The following MED23 variants were observed in gnomAD, a reference collection of about 807,000 sequenced individuals.
MED23 encodes mediator complex subunit 23.
MED23 carries 105 observed loss-of-function variants against 163.9 expected under a neutral mutation model. The observed-to-expected ratio is 0.64, with a 90% CI of 0.55 to 0.75. The LOEUF is 0.75. Ranked by LOEUF, MED23 falls within the 30% of genes least tolerant of loss-of-function variation. MED23 has a pLI of 0.00. For synonymous variants in MED23, 561 were observed against 565.6 expected, an observed-to-expected ratio of 0.99 and a Z score of 0.12; for missense variants, 1,054 against 1,649.0, an observed-to-expected ratio of 0.64 and a Z score of 6.25.
intron 9 of MED23, among the ~76,000 whole-genome samples, chr6:131,617,031 C>G (rs1271539103): frequency 6.6e-6 from 1 of 150,970 alleles, no homozygotes; most frequent in Non-Finnish European, 1.5e-5. Context: ...AGTGATAAGC[C>G]TAGTTATATT....
rs1200110224 is a variant in MED23 at position 131,619,708 on chromosome 6, G to A, written c.667+119C>T. 3 of 756,842 alleles carry A rather than the reference G, an allele frequency of 4.0e-6. No individual in the cohort carries two copies. In the East Asian group the frequency reaches 7.7e-5, roughly 19 times the overall value. The allele number at this position is 756,842 out of a possible 1,614,324, so 46.9% of individuals were successfully genotyped here. ...AAAGGCATTATATTAAGCTCTTAGA[G>A]AGTCACCAAAATGACAAGCCACCAA... On this transcript the variant is annotated intron_variant, in intron 8 of 28. Coordinates refer to ENST00000368068, the MANE Select transcript of MED23 (RefSeq NM_004830.4).
intron 23 of MED23, among the ~76,000 whole-genome samples, chr6:131,593,732 T>C (rs1267533861): frequency 1.3e-5 from 2 of 152,098 alleles, no homozygotes; most frequent in Non-Finnish European, 2.9e-5. Context: ...ACTACAAACA[T>C]TAATTTTTTT....
At chr6:131,620,439 C>T (rs1777010469) in intron 7 of MED23, among the ~76,000 whole-genome samples, 189 bp downstream of exon 7, 1 of 152,026 alleles carries the variant, frequency 6.6e-6, no homozygotes, top group Non-Finnish European at 1.5e-5. Flanking sequence ...GCATGTGCTA[C>T]TATGCCTGGC....
rs1210565573 is a variant in MED23, at chr6:131,618,462, T to G, written c.725A>C (p.Lys242Thr). The G allele has an allele frequency of 1.2e-6, 2 of 1,613,954 alleles. No homozygotes were observed. The highest frequency in any genetic ancestry group is 1.7e-6 in the Non-Finnish European group (2 of 1,179,996). The change falls in exon 9 of 29, where the codon AAA (lysine) becomes ACA (threonine). Residue 242 changes from lysine (K) to threonine (T), a missense_variant. Transcript: ENST00000368068. The part of the protein sequence containing the change: ...NNSGAICNSW[K>T]LDPATLRFPL... ...AAAACGAAGAGTAGCAGGATCCAGTTTCCATGAATTACAAATGGCACCCGA... is the reference window on the plus strand; with the variant it reads ...AAAACGAAGAGTAGCAGGATCCAGTGTCCATGAATTACAAATGGCACCCGA...
At chr6:131,581,281 T>C (rs913575060) in intron 30 of MED23, 2 of 1,613,892 alleles carry the variant, frequency 1.2e-6, no homozygotes, top group Non-Finnish European at 1.7e-6. Flanking sequence ...GTCATCTGGG[T>C]GGATGCTCAC....
At chr6:131,589,382 C>T (rs1009489581) in intron 28 of MED23, 83 bp downstream of exon 28, 3 of 1,377,188 alleles carry the variant, frequency 2.2e-6, no homozygotes, top group African/African-American at 1.5e-5. Flanking sequence ...AAAATAATCA[C>T]CCAAACCAAA....
intron 9 of MED23, 94 bp from the exon 10 acceptor site, chr6:131,616,096 T>A: frequency 1.0e-6 from 1 of 977,786 alleles, no homozygotes; most frequent in Non-Finnish European, 1.6e-6. Flanking sequence ...CTAAAGGCAC[T>A]TGTTACCTTC....
At chr6:131,591,264 C>G (rs1227602287) in intron 26 of MED23, 49 bp downstream of exon 26, 2 of 1,444,634 alleles carry the variant, frequency 1.4e-6, no homozygotes, top group Non-Finnish European at 1.9e-6. Context: ...AGGCATGAAC[C>G]ACCGCACCCA....
chr6:131,603,467 G>C (rs1775630244), intron 15 of MED23, among the ~76,000 whole-genome samples: 2 of 151,960 alleles, frequency 1.3e-5, no homozygotes, highest in African/African-American at 4.8e-5. Flanking sequence ...AATGAGACAA[G>C]ATATGAAAAA....
chr6:131,581,833 A>G (rs1168279411), downstream of MED23, among the ~76,000 whole-genome samples: 1 of 152,238 alleles, frequency 6.6e-6, no homozygotes, highest in Non-Finnish European at 1.5e-5. Context: ...AAAATTTCAG[A>G]TATAATGGTT....
At chr6:131,599,157 T>A (rs778968122) in intron 18 of MED23, among the ~76,000 whole-genome samples, 5 of 152,244 alleles carry the variant, frequency 3.3e-5, no homozygotes, top group Non-Finnish European at 7.3e-5. Flanking sequence ...ACCAGCGGTA[T>A]CAGCATCATC....
intron 13 of MED23, 70 bp downstream of exon 13, chr6:131,606,409 G>C (rs1372217037): frequency 2.0e-6 from 3 of 1,527,448 alleles, no homozygotes; most frequent in Non-Finnish European, 2.7e-6. Context: ...CAAACACCGA[G>C]ACCAATATTA....
chr6:131,602,276 T>A lies in MED23; in HGVS notation c.2037A>T (p.Glu679Asp). ...LSDPKTVLSA[E>D]SEELNRALIL... ...TCAAGGCTCGGTTCAGTTCTTCAGA[T>A]TCTGCTGAGAGCACTGTTTTGGGAT... The change falls in exon 17 of 29, where the codon GAA becomes GAT. Residue 679 changes from glutamate (E) to aspartate (D), a missense_variant. This residue lies in a region of MED23 where 228 missense variants were observed against 461.3 expected (regional missense o/e 0.49). Transcript: ENST00000368068. The A allele has an allele frequency of 6.2e-7, 1 of 1,614,014 alleles. No homozygotes were observed. Among genetic ancestry groups the A allele is most frequent in the Non-Finnish European group, 8.5e-7 (1 of 1,179,868 alleles).
intron 10 of MED23, among the ~76,000 whole-genome samples, chr6:131,611,121 C>T (rs1168341500): frequency 3.3e-5 from 5 of 152,042 alleles, no homozygotes; most frequent in Non-Finnish European, 1.5e-5. Context: ...CAGTTGGAAG[C>T]CCTTCTAGTG....
rs60163644 is a variant in MED23 at position 131,627,329 on chromosome 6, GAAAAAAA to G, written c.159+60_159+66del. On this transcript the variant is annotated intron_variant, in intron 3 of 28. Transcript: ENST00000368068. ...AGCAGCATGAAAGTAAATGTTAAAA[GAAAAAAA>G]AAAAAAAAAAGAAGAGGCCAAAAAT... 7 of 875,038 alleles carry G rather than the reference GAAAAAAA, an allele frequency of 8.0e-6. No individual in the cohort carries two copies. The Admixed American group carries it at 1.6e-4, about 20-fold the overall frequency. The allele number at this position is 875,038 out of a possible 1,614,324, so 54.2% of individuals were successfully genotyped here. A position where few individuals can be genotyped will look rare whatever the true frequency, so the allele number is the denominator to read the frequency against.
chr6:131,592,145 C>G (rs1362860571), intron 25 of MED23, among the ~76,000 whole-genome samples: 1 of 152,028 alleles, frequency 6.6e-6, no homozygotes, highest in Non-Finnish European at 1.5e-5. Context: ...AAGGTGGTAC[C>G]AGAAAATGCA....
rs1430391602 is a variant in MED23, at chr6:131,600,049, C to A, written c.2209G>T (p.Gly737Cys). ...WASHTLSCFPGPLQAFFKQNN... is the reference protein window; with the variant it reads ...WASHTLSCFPCPLQAFFKQNN... ...CAAGACCAAATTACCTGTAGTGGGC[C>A]TGGAAAACAGCTCAGGGTGTGTGAA... The change falls in exon 18 of 29, where the codon GGC becomes TGC. Residue 737 changes from glycine to cysteine, a missense_variant. Physicochemically the swap from Gly to Cys is radical, Grantham distance 159. This residue lies in a region of MED23 where 228 missense variants were observed against 461.3 expected (regional missense o/e 0.49). Transcript: ENST00000368068. The A allele has an allele frequency of 1.2e-6, 2 of 1,614,012 alleles. No homozygotes were observed. The highest frequency in any genetic ancestry group is 1.7e-6 in the Non-Finnish European group (2 of 1,179,984).
chr6:131,596,432 CCA>C (rs1775053195), intron 21 of MED23, 84 bp downstream of exon 21: 7 of 1,446,104 alleles, frequency 4.8e-6, no homozygotes, highest in Admixed American at 1.7e-5. Flanking sequence ...AACATTAGAA[CCA>C]GAGAGAAAAC....
At chr6:131,599,300 T>C (rs558105167) in intron 18 of MED23, among the ~76,000 whole-genome samples, 1 of 152,322 alleles carries the variant, frequency 6.6e-6, no homozygotes, top group South Asian at 2.1e-4. Flanking sequence ...AAAAACCAAA[T>C]GCTCTAGCCC....
Sources: gnomAD v4.1 joint callset for allele counts (sites outside exome capture counted in the v4.1 genomes callset) on GRCh38, gnomAD v4.1.1 for gene constraint, gnomAD v4.1.1 regional missense constraint, MANE v1.5 for transcripts, NCBI Gene and HGNC (gene_info 2026-07-23, HGNC 2026-07-21) for gene names.